The following SNRNP200 variants were observed in gnomAD, a reference collection of about 807,000 sequenced individuals.
SNRNP200 encodes the protein U5 small nuclear ribonucleoprotein 200 kDa helicase.
Under a neutral mutation model 255.2 loss-of-function variants are expected in SNRNP200, and 66 were observed. The observed-to-expected ratio is 0.26, with a 90% CI of 0.21 to 0.32. The LOEUF (loss-of-function observed/expected upper bound fraction) is 0.32. Ranked by LOEUF, SNRNP200 falls within the 10% of genes least tolerant of loss-of-function variation. The probability of loss-of-function intolerance (pLI) is 1.00; values close to 1 mark genes in which losing one functional copy is unlikely to be tolerated. For missense variants in SNRNP200, 1,585 were observed against 2,749.8 expected, an observed-to-expected ratio of 0.58 and a Z score of 9.47; for synonymous variants, 939 against 1,027.8, an observed-to-expected ratio of 0.91 and a Z score of 1.65.
In SNRNP200 at chr2:96,278,318, T is replaced by G; in HGVS notation, c.5529A>C (p.Arg1843=). The change falls in exon 39 of 45, where the codon CGA becomes CGC. Residue 1843 remains arginine, a synonymous_variant. Coordinates refer to ENST00000323853, the MANE Select transcript of SNRNP200 (RefSeq NM_014014.5). The surrounding 1 kb of genome is among the most constrained non-coding windows in gnomAD (Gnocchi z 6.9). The part of the protein sequence containing the change: ...SMSLNAKTKV[R]GLIEIISNAA... ...CATTGGAGATGATCTCGATAAGCCC[T>G]CGCACCTTGGTCTTGGCATTGAGGG... 1 of 1,614,148 alleles carries G rather than the reference T, an allele frequency of 6.2e-7. No individual in the cohort carries two copies. The highest frequency in any genetic ancestry group is 8.5e-7 in the Non-Finnish European group (1 of 1,180,028).
rs376358059 is a variant in SNRNP200, at chr2:96,300,955, C to A, written c.630+43G>T. On this transcript the variant is annotated intron_variant, in intron 5 of 44. Coordinates refer to ENST00000323853, the MANE Select transcript of SNRNP200 (RefSeq NM_014014.5). ...CTAGAAGGGGTCCCTTTACCTTAAT[C>A]AACGTCAAAAACAAGAATGGACTGG... The A allele has an allele frequency of 5.1e-6, 8 of 1,561,902 alleles. No individual in the cohort carries two copies. The Admixed American group carries it at 1.3e-4, about 26-fold the overall frequency.
At chr2:96,292,831 G>A in intron 16 of SNRNP200, 141 bp downstream of exon 16, 1 of 947,898 alleles carries the variant, frequency 1.1e-6, no homozygotes, top group African/African-American at 1.6e-5. Flanking sequence ...AGGTTCTGTA[G>A]TAATATCCCA....
At chr2:96,304,658 A>C in intron 2 of SNRNP200, 47 bp downstream of exon 2, 28 of 1,610,832 alleles carry the variant, frequency 1.7e-5, no homozygotes, top group East Asian at 2.2e-5. Flanking sequence ...GTTAAAGGGA[A>C]GAGACTTTGG....
At chr2:96,301,480 A>T (rs754689189) in intron 4 of SNRNP200, 44 bp downstream of exon 4, 1 of 1,593,650 alleles carries the variant, frequency 6.3e-7, no homozygotes, top group Non-Finnish European at 8.6e-7. Context: ...TTAGGGGTCA[A>T]CAACAACCAA....
chr2:96,278,405 G>A lies in SNRNP200; in HGVS notation c.5489-47C>T, dbSNP rs1558763167. The A allele has an allele frequency of 5.0e-6, 8 of 1,613,304 alleles. No homozygotes were observed. The highest frequency in any genetic ancestry group is 6.8e-6 in the Non-Finnish European group (8 of 1,179,658). ...AGAGAAGCTAAAACCAGGCAGAGAA[G>A]GAGCAGAACTGCCCGGGCTCCCCTG... is the stretch of plus-strand genomic sequence containing the variant. On this transcript the variant is annotated intron_variant, in intron 38 of 44. Transcript: ENST00000323853. This position sits in a 1 kb window ranked among gnomAD's most constrained non-coding sequence, Gnocchi z 6.9.
Position 96,291,621 on chromosome 2 carries a change from C to T in SNRNP200, c.2311-119G>A. ...CTATTATGTGGAATAGTAATAATCA[C>T]ATCCAGACAATCAACCTTAACCCAT... On this transcript the variant is annotated intron_variant, in intron 17 of 44. Transcript: ENST00000323853. This position sits in a 1 kb window ranked among gnomAD's most constrained non-coding sequence, Gnocchi z 4.2. The T allele has an allele frequency of 7.8e-7, 1 of 1,275,980 alleles. No homozygotes were observed. Among genetic ancestry groups the T allele is most frequent in the Non-Finnish European group, 1.1e-6 (1 of 877,038 alleles). 79.0% of individuals were successfully genotyped at this position (1,275,980 alleles called of 1,614,324 possible). A position where few individuals can be genotyped will look rare whatever the true frequency, so the allele number is the denominator to read the frequency against.
chr2:96,302,689 G>A (rs1245548861), intron 3 of SNRNP200, among the ~76,000 whole-genome samples: 1 of 152,212 alleles, frequency 6.6e-6, no homozygotes, highest in Non-Finnish European at 1.5e-5. Flanking sequence ...TTTGACCTGT[G>A]CTTCTCACTA....
Position 96,291,756 on chromosome 2 carries a change from A to C in SNRNP200, c.2305T>G (p.Cys769Gly). ...TEVLRTEAEQCKNLELKDLLP... is the reference protein window; with the variant it reads ...TEVLRTEAEQGKNLELKDLLP... ...CCCAGCTGGCCCCTCCTCACCTTGC[A>C]CTGCTCAGCTTCTGTTCGCAGGACT... Residue 769 changes from cysteine (C) to glycine (G), a missense_variant, in exon 17 of 45, where the codon TGC becomes GGC. Transcript: ENST00000323853. This position sits in a 1 kb window ranked among gnomAD's most constrained non-coding sequence, Gnocchi z 4.2. The C allele has an allele frequency of 6.2e-7, 1 of 1,614,102 alleles. No homozygotes were observed. The highest frequency in any genetic ancestry group is 8.5e-7 in the Non-Finnish European group (1 of 1,180,016).
chr2:96,302,546 C>CAA (rs1574002193), intron 3 of SNRNP200, among the ~76,000 whole-genome samples: 1 of 152,198 alleles, frequency 6.6e-6, no homozygotes, highest in East Asian at 1.9e-4. Context: ...GCAGTGGACA[C>CAA]AAGCTGGGGG....
intron 24 of SNRNP200, 37 bp from the exon 25 acceptor site, chr2:96,288,006 G>A (rs374108068): frequency 2.6e-4 from 416 of 1,588,100 alleles, no homozygotes; most frequent in Non-Finnish European, 3.3e-4. Context: ...GTTAAGTCTC[G>A]ACTATCCCCA....
At chr2:96,289,743 T>C (rs577213483) in intron 21 of SNRNP200, 56 bp downstream of exon 21, 1 of 1,572,186 alleles carries the variant, frequency 6.4e-7, no homozygotes, top group Non-Finnish European at 8.7e-7. Context: ...AAAAATTTTT[T>C]CCTGGGCCAA....
chr2:96,295,781 G>A (rs976349871), intron 13 of SNRNP200, 123 bp from the exon 14 acceptor site: 2 of 959,738 alleles, frequency 2.1e-6, no homozygotes, highest in Non-Finnish European at 3.2e-6. Flanking sequence ...TGAATACAAG[G>A]CGAATCAGAT....
rs1181396599 is a variant in SNRNP200 at position 96,286,850 on chromosome 2, T to C, written c.3667A>G (p.Ile1223Val). Residue 1223 changes from isoleucine to valine, a missense_variant, in exon 28 of 45, where the codon ATT (isoleucine) becomes GTT (valine). Ile to Val is a conservative substitution (Grantham distance 29). Transcript: ENST00000323853. The surrounding 1 kb of genome is among the most constrained non-coding windows in gnomAD (Gnocchi z 4.8). ...TCGCTGTCCACATCCTCCACCAGAA[T>C]CCAAAAAGCCTCGGATGAACCATGC... ...KVHGSSEAFW[I>V]LVEDVDSEVI... The C allele has an allele frequency of 6.2e-7, 1 of 1,614,024 alleles. No individual in the cohort carries two copies.
In SNRNP200 at chr2:96,277,377, C is replaced by T. The variant is rs1553439118; in HGVS notation, c.5932-136G>A. On this transcript the variant is annotated intron_variant, in intron 41 of 44. Coordinates refer to ENST00000323853, the MANE Select transcript of SNRNP200 (RefSeq NM_014014.5). This position sits in a 1 kb window ranked among gnomAD's most constrained non-coding sequence, Gnocchi z 4.4. ...AAAACAGCTGCAGAAAGAACACAGCCCACAGTTGGCAGGCTCTCTAGCATC... is the reference window on the plus strand; with the variant it reads ...AAAACAGCTGCAGAAAGAACACAGCTCACAGTTGGCAGGCTCTCTAGCATC... The T allele has an allele frequency of 9.4e-6, 12 of 1,271,958 alleles. No individual in the cohort carries two copies. In the South Asian group the frequency reaches 1.5e-4, roughly 15 times the overall value. The allele number at this position is 1,271,958 out of a possible 1,614,324, so 78.8% of individuals were successfully genotyped here. A position where few individuals can be genotyped will look rare whatever the true frequency, so the allele number is the denominator to read the frequency against.
At chr2:96,293,544 C>A (rs1001677337) in intron 14 of SNRNP200, 35 bp from the exon 15 acceptor site, 1 of 1,580,444 alleles carries the variant, frequency 6.3e-7, no homozygotes, top group South Asian at 1.1e-5. Flanking sequence ...ACCTCTAGCA[C>A]TAGAGATACA....
intron 1 of SNRNP200, 92 bp from the exon 2 acceptor site, chr2:96,304,960 A>C (rs2063978138): frequency 7.2e-7 from 1 of 1,392,384 alleles, no homozygotes. Flanking sequence ...AAATCGTAGT[A>C]ACTAGTTGCT....
chr2:96,281,448 C>G (rs771772717), intron 35 of SNRNP200: 2 of 326,618 alleles, frequency 6.1e-6, no homozygotes, highest in African/African-American at 4.3e-5. Context: ...GGATTACAGG[C>G]ATGAGCCACT....
Position 96,287,960 on chromosome 2 carries a change from G to A in SNRNP200, c.3268C>T (p.Arg1090Trp), listed in dbSNP as rs1223054032. The part of the protein sequence containing the change: ...DMVYVTQSAG[R>W]LMRAIFEIVL... ...ATTTCAAATATCGCTCGCATCAACC[G>A]GCCAGCCGACTAAGCAAAGAAGCAG... Residue 1090 changes from arginine to tryptophan, a missense_variant, in exon 25 of 45, where the codon CGG becomes TGG. By Grantham distance (101) the Arg-to-Trp change is moderately radical. Transcript: ENST00000323853. The surrounding 1 kb of genome is among the most constrained non-coding windows in gnomAD (Gnocchi z 5.7). The A allele has an allele frequency of 1.9e-6, 3 of 1,614,036 alleles. No homozygotes were observed. Among genetic ancestry groups the A allele is most frequent in the African/African-American group, 1.3e-5 (1 of 74,926 alleles).
At chr2:96,299,464 C>A (rs765425236) in intron 5 of SNRNP200, 37 bp from the exon 6 acceptor site, 1 of 1,529,170 alleles carries the variant, frequency 6.5e-7, no homozygotes, top group Non-Finnish European at 9.1e-7. Context: ...TGATCTGGAG[C>A]TGATCCTGCA....
Sources: allele counts gnomAD v4.1 joint callset (sites outside exome capture counted in the v4.1 genomes callset), GRCh38; gene constraint gnomAD v4.1.1; non-coding constraint Gnocchi (gnomAD v3.1); transcripts MANE v1.5; gene names NCBI Gene and HGNC (gene_info 2026-07-23, HGNC 2026-07-21).